TTC28: variants seen among roughly 807,000 people sequenced by gnomAD.
TTC28 encodes tetratricopeptide repeat protein 28.
Under a neutral mutation model 198.0 loss-of-function variants are expected in TTC28, and 61 were observed. The observed-to-expected ratio is 0.31, with a 90% CI of 0.25 to 0.38. The LOEUF (loss-of-function observed/expected upper bound fraction) is 0.38. Among genes scored for constraint, TTC28 ranks in the 10% least tolerant of loss-of-function variants. The pLI, the probability that TTC28 is intolerant of heterozygous loss-of-function variation, is 1.00. For missense variants in TTC28, 2,678 were observed against 3,164.0 expected (o/e 0.85, Z 3.69); for synonymous variants, 1,171 against 1,297.8 (o/e 0.90, Z 2.10).
chr22:28,586,006 T>C (rs1256036824), intron 2 of TTC28, among the ~76,000 whole-genome samples: 2 of 148,740 alleles, frequency 1.3e-5, no homozygotes, highest in Non-Finnish European at 3.0e-5. Flanking sequence ...AGAAGCCGGG[T>C]GCGGTGGCTC....
chr22:28,335,629 GCT>G (rs1173964410), intron 2 of TTC28, among the ~76,000 whole-genome samples: 1 of 152,022 alleles, frequency 6.6e-6, no homozygotes, highest in Non-Finnish European at 1.5e-5. Flanking sequence ...TCATGATTTG[GCT>G]CTCTGTTTGT....
At chr22:28,257,164 A>C (rs1930984899) in intron 5 of TTC28, among the ~76,000 whole-genome samples, 1 of 152,212 alleles carries the variant, frequency 6.6e-6, no homozygotes, top group Admixed American at 6.5e-5. Flanking sequence ...AATGTAAGTA[A>C]GTACAGCTAC....
intron 2 of TTC28, among the ~76,000 whole-genome samples, chr22:28,374,964 T>G (rs1395367437): frequency 1.3e-5 from 2 of 151,398 alleles, no homozygotes; most frequent in Admixed American, 6.6e-5. Flanking sequence ...GGCTCATGCC[T>G]GTAATCTAAG....
intron 6 of TTC28, among the ~76,000 whole-genome samples, chr22:28,129,122 G>A (rs903615594): frequency 1.3e-5 from 2 of 152,074 alleles, no homozygotes; most frequent in African/African-American, 4.8e-5. Context: ...AGGTACTTAC[G>A]CCACTACTCC....
At chr22:28,509,515 T>C (rs939393338) in intron 2 of TTC28, among the ~76,000 whole-genome samples, 2 of 152,202 alleles carry the variant, frequency 1.3e-5, no homozygotes, top group Admixed American at 1.3e-4. Context: ...CCAGAATCTC[T>C]GGGATGCAGT....
intron 2 of TTC28, among the ~76,000 whole-genome samples, chr22:28,320,267 T>G (rs1377641512): frequency 2.0e-5 from 3 of 151,682 alleles, no homozygotes; most frequent in African/African-American, 7.3e-5. Flanking sequence ...TCTCTAGGTT[T>G]TTTTTTTTTT....
Position 28,163,390 on chromosome 22 carries a change from C to G in TTC28, c.1143G>C (p.Leu381=), listed in dbSNP as rs1304067223. ...TGTTCCCCAGGTCCTTGGCTATCTT[C>G]AGATGCTGCTCATGGCACTGCACAG... ...ENAVQCHEQH[L]KIAKDLGNKR... is the part of the protein sequence containing the mutation. Residue 381 remains leucine, a synonymous_variant, in exon 6 of 23, where the codon CTG becomes CTC. Coordinates refer to ENST00000397906, the MANE Select transcript of TTC28 (RefSeq NM_001145418.2). The G allele has an allele frequency of 1.9e-6, 3 of 1,551,936 alleles. No individual in the cohort carries two copies. The highest frequency in any genetic ancestry group is 2.6e-6 in the Non-Finnish European group (3 of 1,147,068).
intron 2 of TTC28, among the ~76,000 whole-genome samples, chr22:28,461,865 C>T (rs1293818523): frequency 6.6e-6 from 1 of 152,150 alleles, no homozygotes; most frequent in Non-Finnish European, 1.5e-5. Context: ...ATGCTAACCC[C>T]CACCCAGGTC....
chr22:28,117,731 C>T (rs1416152620), intron 6 of TTC28, among the ~76,000 whole-genome samples: 1 of 152,160 alleles, frequency 6.6e-6, no homozygotes, highest in Admixed American at 6.5e-5. Context: ...CCAGAACCCC[C>T]CTATTTAAAT....
At chr22:28,385,097 C>T (rs1406418609) in intron 2 of TTC28, among the ~76,000 whole-genome samples, 12 of 147,416 alleles carry the variant, frequency 8.1e-5, no homozygotes, top group Admixed American at 4.7e-4. Flanking sequence ...GCCGAGATTG[C>T]GCCATTGCAC....
Position 28,550,779 on chromosome 22 carries a change from A to T in TTC28, c.381+78773T>A, listed in dbSNP as rs144661033. ...ACTGTTCCAGAATTAAAAAATAAAA[A>T]TTAAAAACTAGAAAAAAATTTGAAT... On this transcript the variant is annotated intron_variant, in intron 2 of 22. Coordinates refer to ENST00000397906, the MANE Select transcript of TTC28 (RefSeq NM_001145418.2). Among the ~76,000 whole-genome samples, 654 of 152,262 alleles carry T rather than the reference A, an allele frequency of 4.3e-3. 4 individuals carry two copies. The highest frequency in any genetic ancestry group is 6.2e-3 in the Non-Finnish European group (422 of 67,976).
intron 10 of TTC28, among the ~76,000 whole-genome samples, chr22:28,097,863 C>T (rs768450666): frequency 4.6e-5 from 7 of 152,158 alleles, no homozygotes; most frequent in Non-Finnish European, 1.0e-4. Flanking sequence ...ACGGGAAAAT[C>T]GGCCCCTAGG....
chr22:28,024,154 G>A (rs2146611545), intron 13 of TTC28, among the ~76,000 whole-genome samples: 1 of 152,274 alleles, frequency 6.6e-6, no homozygotes, highest in Admixed American at 6.5e-5. Context: ...AGCCTGGGAG[G>A]GGAGAGGGCA....
chr22:28,008,359 T>G (rs1938009246), intron 14 of TTC28: 1 of 152,204 alleles, frequency 6.6e-6, no homozygotes, highest in Non-Finnish European at 1.5e-5. Context: ...TGAGCTCCAG[T>G]GCTTGGAAAG....
intron 2 of TTC28, among the ~76,000 whole-genome samples, chr22:28,555,931 C>T (rs1203938071): frequency 6.6e-6 from 1 of 152,068 alleles, no homozygotes; most frequent in Non-Finnish European, 1.5e-5. Context: ...TTACATTTAT[C>T]CACATGTTTA....
chr22:28,006,096 G>A (rs1254649237), intron 14 of TTC28, among the ~76,000 whole-genome samples: 2 of 152,162 alleles, frequency 1.3e-5, no homozygotes, highest in Non-Finnish European at 2.9e-5. Context: ...GGGGTCTGAG[G>A]GGAGGCCCTG....
chr22:28,346,278 C>T (rs952325434), intron 2 of TTC28, among the ~76,000 whole-genome samples: 2 of 152,170 alleles, frequency 1.3e-5, no homozygotes, highest in African/African-American at 2.4e-5. Context: ...TACCAGTTAT[C>T]GCCAAACTTG....
At chr22:28,627,490 G>A (rs2051095036) in intron 2 of TTC28, among the ~76,000 whole-genome samples, 1 of 148,494 alleles carries the variant, frequency 6.7e-6, no homozygotes, top group Non-Finnish European at 1.5e-5. Flanking sequence ...GGAGTGCAGT[G>A]GTGCGATCTC....
chr22:28,160,340 C>G (rs531474400), intron 6 of TTC28, among the ~76,000 whole-genome samples: 4 of 152,114 alleles, frequency 2.6e-5, no homozygotes, highest in African/African-American at 4.8e-5. Flanking sequence ...TATGTACCTA[C>G]TATGTACCCA....
Sources: gnomAD v4.1 joint callset for allele counts (sites outside exome capture counted in the v4.1 genomes callset) on GRCh38, gnomAD v4.1.1 for gene constraint, MANE v1.5 for transcripts, NCBI Gene and HGNC (gene_info 2026-07-23, HGNC 2026-07-21) for gene names.